PDE8B: variants seen among roughly 807,000 people sequenced by gnomAD.
PDE8B encodes the protein phosphodiesterase 8B.
A neutral mutation model predicts 101.3 loss-of-function variants in PDE8B; 26 were observed. The observed-to-expected ratio is 0.26, with a 90% CI of 0.19 to 0.36. The LOEUF is 0.36. PDE8B is among the 10% of genes least tolerant of loss of function. The pLI, the probability that PDE8B is intolerant of heterozygous loss-of-function variation, is 1.00. For synonymous variants in PDE8B, 424 were observed against 429.3 expected (o/e 0.99, Z 0.15); for missense variants, 810 against 1,163.1 (o/e 0.70, Z 4.42).
In PDE8B at chr5:77,427,299, A is replaced by G. The variant is rs1798317427; in HGVS notation, c.*745A>G. 1 of 152,446 alleles carries G rather than the reference A, an allele frequency of 6.6e-6. No individual in the cohort carries two copies. Among genetic ancestry groups the G allele is most frequent in the Admixed American group, 6.6e-5 (1 of 15,262 alleles). 9.4% of individuals were successfully genotyped at this position (152,446 alleles called of 1,614,324 possible). On this transcript the variant is annotated 3_prime_UTR_variant, in exon 22 of 22. Transcript: ENST00000264917. ...GTGGCATTTCATTTTTGGGGAATCC[A>G]TGAGCTTCCTTTATTTCTGGCTCAC...
At chr5:77,259,731 TG>T (rs534496572) in intron 1 of PDE8B, among the ~76,000 whole-genome samples, 50 of 152,260 alleles carry the variant, frequency 3.3e-4, no homozygotes, top group African/African-American at 1.2e-3. Flanking sequence ...AGATGGGAGG[TG>T]AGCTCAGGGT....
intron 19 of PDE8B, among the ~76,000 whole-genome samples, chr5:77,421,019 T>C (rs1185856746): frequency 6.6e-6 from 1 of 152,200 alleles, no homozygotes; most frequent in East Asian, 1.9e-4. Context: ...AATTTGATGG[T>C]GTCTTTAAAA....
the PDE8B span, among the ~76,000 whole-genome samples, chr5:77,160,994 T>C: frequency 6.6e-6 from 1 of 152,220 alleles, no homozygotes; most frequent in Non-Finnish European, 1.5e-5. Context: ...TACAAACTTA[T>C]CTGCCTTCTG....
chr5:77,296,455 G>A (rs1768595106), intron 1 of PDE8B, among the ~76,000 whole-genome samples: 1 of 151,978 alleles, frequency 6.6e-6, no homozygotes, highest in South Asian at 2.1e-4. Context: ...TAGAAATAGT[G>A]TCTCACCATG....
rs1190794807 is a variant in PDE8B, at chr5:77,427,044, A to AC, written c.*490_*491insC. 1 of 156,606 alleles carries AC rather than the reference A, an allele frequency of 6.4e-6. No homozygotes were observed. Among genetic ancestry groups the AC allele is most frequent in the African/African-American group, 2.4e-5 (1 of 41,308 alleles). 9.7% of individuals were successfully genotyped at this position (156,606 alleles called of 1,614,324 possible). A position where few individuals can be genotyped will look rare whatever the true frequency, so the allele number is the denominator to read the frequency against. ...ATCTGAACAGATTTATCTAAGAAAA[A>AC]AAAAAAACGACATAAAATAAGTGAA... is the stretch of plus-strand genomic sequence containing the variant. On this transcript the variant is annotated 3_prime_UTR_variant, in exon 22 of 22. Coordinates refer to ENST00000264917, the MANE Select transcript of PDE8B (RefSeq NM_003719.5).
At chr5:77,169,409 C>T in the PDE8B span, among the ~76,000 whole-genome samples, 1 of 152,200 alleles carries the variant, frequency 6.6e-6, no homozygotes, top group Non-Finnish European at 1.5e-5. Flanking sequence ...GTTTCAAGGG[C>T]TGACCCCCAA....
intron 15 of PDE8B, 24 bp from the exon 16 acceptor site, chr5:77,412,076 C>T: frequency 3.7e-6 from 6 of 1,613,652 alleles, no homozygotes; most frequent in Non-Finnish European, 5.1e-6. Flanking sequence ...TAACCAGCCT[C>T]CCCCATCCCA....
At chr5:77,249,952 G>A (rs1445114368) in intron 1 of PDE8B, among the ~76,000 whole-genome samples, 1 of 152,216 alleles carries the variant, frequency 6.6e-6, no homozygotes, top group Non-Finnish European at 1.5e-5. Flanking sequence ...TGTATGCAGA[G>A]GTTTCTTCAG....
chr5:77,117,181 G>C, the PDE8B span, among the ~76,000 whole-genome samples: 3,530 of 152,342 alleles, frequency 0.023, 51 homozygotes, highest in Non-Finnish European at 0.034. Flanking sequence ...AATGAGAGCA[G>C]AGGGGGCAAA....
At chr5:77,355,315 G>A (rs1272276568) in intron 10 of PDE8B, among the ~76,000 whole-genome samples, 1 of 152,214 alleles carries the variant, frequency 6.6e-6, no homozygotes, top group Non-Finnish European at 1.5e-5. Flanking sequence ...GCACAGGCCT[G>A]GAGAGACATT....
intron 1 of PDE8B, among the ~76,000 whole-genome samples, chr5:77,262,974 G>A (rs1168901074): frequency 6.6e-6 from 1 of 152,148 alleles, no homozygotes; most frequent in Non-Finnish European, 1.5e-5. Flanking sequence ...TTTTTCTGAT[G>A]TAATAGTAAT....
rs116214627 is a variant in PDE8B, at chr5:77,425,769, T to C, written c.2421T>C (p.Thr807=). 4.4e-5 allele frequency: 71 copies of C among 1,613,920 alleles called. 1 individual carries two copies. Among genetic ancestry groups the C allele is most frequent in the Middle Eastern group, 3.3e-4 (2 of 6,062 alleles). The change falls in exon 21 of 22, where the codon ACT becomes ACC. Residue 807 remains threonine (T), a splice_region_variant and synonymous_variant. Coordinates refer to ENST00000264917, the MANE Select transcript of PDE8B (RefSeq NM_003719.5). ...TATGTGGTGGTTTTTTCTTACAGAC[T>C]GATGAAGAGAAGAGACAGGGACTAC... is the stretch of plus-strand genomic sequence containing the variant. ...GRISEEYFAQ[T]DEEKRQGLPV...
At chr5:77,104,992 A>G in the PDE8B span, 2 of 152,096 alleles carry the variant, frequency 1.3e-5, no homozygotes, top group Non-Finnish European at 2.9e-5. Context: ...GTGACTCCTA[A>G]TCTGCTTTCT....
At chr5:77,174,965 C>T in the PDE8B span, among the ~76,000 whole-genome samples, 1 of 152,186 alleles carries the variant, frequency 6.6e-6, no homozygotes, top group Non-Finnish European at 1.5e-5. Flanking sequence ...TCTTGATTTC[C>T]CACCCATTCT....
chr5:77,362,886 C>G (rs1361506861), intron 10 of PDE8B, among the ~76,000 whole-genome samples: 1 of 152,216 alleles, frequency 6.6e-6, no homozygotes, highest in African/African-American at 2.4e-5. Context: ...CCACCTCTCT[C>G]CTCCTCCCCG....
In PDE8B at chr5:77,234,752, A is replaced by G. The variant is rs1336368956; in HGVS notation, c.339+23488A>G. ...GACCAGGTGATTCTAAATCCCTCCC[A>G]GGGTAAATGTTATCTTTGGAAGTAA... On this transcript the variant is annotated intron_variant, in intron 1 of 21. Coordinates refer to ENST00000264917, the MANE Select transcript of PDE8B (RefSeq NM_003719.5). 2.6e-5 allele frequency among the ~76,000 whole-genome samples: 4 copies of G among 152,166 alleles called. No individual in the cohort carries two copies. The East Asian group carries it at 5.8e-4, about 22-fold the overall frequency.
intron 1 of PDE8B, among the ~76,000 whole-genome samples, chr5:77,229,131 C>T (rs72765192): frequency 0.13 from 20,252 of 152,114 alleles, 1,908 homozygotes; most frequent in East Asian, 0.5. Context: ...GAGCCCAACT[C>T]AAAATACTCT....
At chr5:77,160,063 G>T in the PDE8B span, among the ~76,000 whole-genome samples, 1 of 152,164 alleles carries the variant, frequency 6.6e-6, no homozygotes, top group African/African-American at 2.4e-5. Context: ...AAGAGGGAAT[G>T]CAGGCATGCC....
chr5:77,245,839 TC>T (rs533447203), intron 1 of PDE8B, among the ~76,000 whole-genome samples: 295 of 6,072 alleles, frequency 0.049, 10 homozygotes, highest in Middle Eastern at 0.25. Context: ...TATAACCTCC[TC>T]CCCCCCCCGC....
Sources: allele counts gnomAD v4.1 joint callset (sites outside exome capture counted in the v4.1 genomes callset), GRCh38; gene constraint gnomAD v4.1.1; transcripts MANE v1.5; gene names NCBI Gene and HGNC (gene_info 2026-07-23, HGNC 2026-07-21).